DDR2: variants seen among roughly 807,000 people sequenced by gnomAD.
DDR2 encodes the protein discoidin domain receptor tyrosine kinase 2.
DDR2 carries 27 observed loss-of-function variants against 94.9 expected under a neutral mutation model. The observed-to-expected ratio is 0.28, with a 90% CI of 0.21 to 0.39. The LOEUF is 0.39. Ranked by LOEUF, DDR2 falls within the 10% of genes least tolerant of loss-of-function variation. DDR2 has a pLI of 1.00. For missense variants in DDR2, 783 were observed against 1,076.0 expected, an observed-to-expected ratio of 0.73 and a Z score of 3.81; for synonymous variants, 382 against 377.2, an observed-to-expected ratio of 1.01 and a Z score of -0.15.
In DDR2 at chr1:162,767,851, C is replaced by A. The variant is rs546541948; in HGVS notation, c.1293+492C>A. ...GTGTGTGTAGAAAAACATCCAGCTTCATTAATATTCAAGCCAAGTTTCTCA... is the reference window on the plus strand; with the variant it reads ...GTGTGTGTAGAAAAACATCCAGCTTAATTAATATTCAAGCCAAGTTTCTCA... On this transcript the variant is annotated intron_variant, in intron 11 of 17. Coordinates refer to ENST00000367921, the MANE Select transcript of DDR2 (RefSeq NM_006182.4). Among the ~76,000 whole-genome samples the A allele has an allele frequency of 2.7e-4, 30 of 112,152 alleles. 1 individual carries two copies. The highest frequency in any genetic ancestry group is 9.0e-4 in the African/African-American group (29 of 32,184). 73.6% of individuals were successfully genotyped at this position (112,152 alleles called of 152,430 possible). A position where few individuals can be genotyped will look rare whatever the true frequency, so the allele number is the denominator to read the frequency against.
At chr1:162,652,972 G>A (rs1657775938) in intron 1 of DDR2, among the ~76,000 whole-genome samples, 1 of 152,134 alleles carries the variant, frequency 6.6e-6, no homozygotes, top group Admixed American at 6.6e-5. Context: ...TGGGCGTGGT[G>A]GCACACACCT....
intron 1 of DDR2, among the ~76,000 whole-genome samples, chr1:162,644,309 AT>A (rs1657299991): frequency 6.6e-6 from 1 of 152,218 alleles, no homozygotes; most frequent in Non-Finnish European, 1.5e-5. Context: ...CCAGCCCTCC[AT>A]AGGAACATAA....
chr1:162,762,882 G>A (rs1031002170), intron 9 of DDR2, among the ~76,000 whole-genome samples: 1 of 152,130 alleles, frequency 6.6e-6, no homozygotes, highest in Non-Finnish European at 1.5e-5. Context: ...TGTCACCCAG[G>A]CTGGAATGCA....
chr1:162,733,896 C>G (rs1047345888), intron 3 of DDR2, among the ~76,000 whole-genome samples: 12 of 152,182 alleles, frequency 7.9e-5, no homozygotes, highest in Non-Finnish European at 2.9e-5. Context: ...TCCCATACCA[C>G]GTTTTAGTAT....
chr1:162,631,694 C>T (rs1404071323), upstream of DDR2, among the ~76,000 whole-genome samples: 1 of 152,054 alleles, frequency 6.6e-6, no homozygotes, highest in Non-Finnish European at 1.5e-5. Flanking sequence ...TGTTGCCTAC[C>T]CGCCCCTTTC....
chr1:162,757,932 C>T (rs1335415539), intron 7 of DDR2, among the ~76,000 whole-genome samples: 1 of 152,110 alleles, frequency 6.6e-6, no homozygotes, highest in Non-Finnish European at 1.5e-5. Context: ...GTGACTGAAA[C>T]AATGGGGATG....
At chr1:162,697,351 G>A (rs1467605234) in intron 2 of DDR2, among the ~76,000 whole-genome samples, 1 of 152,140 alleles carries the variant, frequency 6.6e-6, no homozygotes, top group Admixed American at 6.5e-5. Context: ...GAACCTCATG[G>A]CAAAGAAAAC....
chr1:162,726,907 A>C (rs533614642), intron 3 of DDR2, among the ~76,000 whole-genome samples: 18 of 152,112 alleles, frequency 1.2e-4, no homozygotes, highest in Non-Finnish European at 2.4e-4. Context: ...AAAGCTGACA[A>C]GAACTCTAGG....
At chr1:162,673,835 A>C (rs61811288) in intron 2 of DDR2, among the ~76,000 whole-genome samples, 9,368 of 152,196 alleles carry the variant, frequency 0.062, 352 homozygotes, top group Admixed American at 0.082. Context: ...TTACATGTGT[A>C]TCTATTTGCC....
intron 2 of DDR2, among the ~76,000 whole-genome samples, chr1:162,703,216 A>G (rs1444708168): frequency 1.3e-5 from 2 of 152,238 alleles, no homozygotes; most frequent in Non-Finnish European, 2.9e-5. Context: ...TCCTGATATC[A>G]GTGAGTTTAT....
At chr1:162,756,465 C>G (rs943452804) in intron 7 of DDR2, among the ~76,000 whole-genome samples, 1 of 152,194 alleles carries the variant, frequency 6.6e-6, no homozygotes, top group Non-Finnish European at 1.5e-5. Flanking sequence ...GATGCTCCCA[C>G]CTATACTGTT....
intron 2 of DDR2, among the ~76,000 whole-genome samples, chr1:162,661,541 G>A (rs1012981037): frequency 1.8e-4 from 27 of 152,190 alleles, no homozygotes; most frequent in African/African-American, 6.3e-4. Context: ...CAAGCTCCAA[G>A]AATAGCTGCG....
chr1:162,714,710 AATTCTTCTTC>A (rs1661080131), intron 2 of DDR2, among the ~76,000 whole-genome samples: 1 of 152,030 alleles, frequency 6.6e-6, no homozygotes, highest in Non-Finnish European at 1.5e-5. Context: ...GTTTCTTTAA[AATTCTTCTTC>A]ATTTACTTGT....
At position 162,782,870 on chromosome 1, in the gene DDR2, C is replaced by G. The variant is rs1647981569; in HGVS notation, c.*2624C>G. The G allele has an allele frequency of 6.6e-6, 1 of 151,984 alleles. No individual in the cohort carries two copies. The highest frequency in any genetic ancestry group is 2.4e-5 in the African/African-American group (1 of 41,368). The allele number at this position is 151,984 out of a possible 1,614,324, so 9.4% of individuals were successfully genotyped here. Reference sequence around the variant, plus strand: ...ATTATCATGTAATACATATCTGTGTCCTTTTCTGGGATGAGGAAGGCTTCA... The same window carrying G: ...ATTATCATGTAATACATATCTGTGTGCTTTTCTGGGATGAGGAAGGCTTCA... On this transcript the variant is annotated 3_prime_UTR_variant, in exon 18 of 18. Coordinates refer to ENST00000367921, the MANE Select transcript of DDR2 (RefSeq NM_006182.4).
chr1:162,667,428 C>T (rs1658636938), intron 2 of DDR2, among the ~76,000 whole-genome samples: 1 of 152,128 alleles, frequency 6.6e-6, no homozygotes, highest in African/African-American at 2.4e-5. Context: ...GAATTTTTGT[C>T]CAGAGCTCTT....
At chr1:162,756,244 T>C (rs1383223089) in intron 7 of DDR2, among the ~76,000 whole-genome samples, 2 of 152,152 alleles carry the variant, frequency 1.3e-5, no homozygotes, top group East Asian at 3.9e-4. Context: ...CAAGGAAAGT[T>C]CTAGGTTAAG....
rs1663372761 is a variant in DDR2 at position 162,754,720 on chromosome 1, C to T, written c.282C>T (p.Leu94=). ...TTCTGCAGATTGACTTGCACACCCTCCATTTTATCACTCTGGTGGGGACCC... is the reference window on the plus strand; with the variant it reads ...TTCTGCAGATTGACTTGCACACCCTTCATTTTATCACTCTGGTGGGGACCC... ...KEFLQIDLHT[L]HFITLVGTQG... Residue 94 remains leucine (L), a synonymous_variant, in exon 5 of 18, where the codon CTC becomes CTT. Coordinates refer to ENST00000367921, the MANE Select transcript of DDR2 (RefSeq NM_006182.4). 3.7e-6 allele frequency: 6 copies of T among 1,614,016 alleles called. No individual in the cohort carries two copies. Among genetic ancestry groups the T allele is most frequent in the South Asian group, 1.1e-5 (1 of 91,092 alleles).
At position 162,772,130 on chromosome 1, in the gene DDR2, A is replaced by G. The variant is rs899691487; in HGVS notation, c.1611A>G (p.Thr537=). 15 of 1,614,188 alleles carry G rather than the reference A, an allele frequency of 9.3e-6. No individual in the cohort carries two copies. The highest frequency in any genetic ancestry group is 1.3e-5 in the Non-Finnish European group (15 of 1,180,024). ...VNLQGVTGGN[T]YSVPAVTMDL... is the part of the protein sequence containing the mutation. ...TCCAAGGAGTGACAGGAGGCAACACATACTCAGTGCCTGCCGTCACCATGG... is the reference window on the plus strand; with the variant it reads ...TCCAAGGAGTGACAGGAGGCAACACGTACTCAGTGCCTGCCGTCACCATGG... Residue 537 remains threonine, a synonymous_variant, in exon 13 of 18, where the codon ACA becomes ACG. Transcript: ENST00000367921.
intron 12 of DDR2, 35 bp from the exon 13 acceptor site, chr1:162,771,989 C>T (rs1647249046): frequency 6.4e-7 from 1 of 1,562,302 alleles, no homozygotes; most frequent in African/African-American, 1.4e-5. Context: ...AAAGACACTC[C>T]ACGGAATGAG....
Sources: gnomAD v4.1 joint callset for allele counts (sites outside exome capture counted in the v4.1 genomes callset) on GRCh38, gnomAD v4.1.1 for gene constraint, MANE v1.5 for transcripts, NCBI Gene and HGNC (gene_info 2026-07-23, HGNC 2026-07-21) for gene names.